Variants in FARS2 observed in about 807,000 individuals in gnomAD.
FARS2 encodes phenylalanine--tRNA ligase, mitochondrial.
In FARS2, 40 loss-of-function variants were observed where a neutral mutation model predicts 46.4. The ratio of observed to expected loss-of-function variants is 0.86; its 90% CI spans 0.67 to 1.12. The LOEUF is 1.12. FARS2 is among the 50% of genes most tolerant of loss of function. The pLI is 0.00. For synonymous variants in FARS2, 234 were observed against 214.9 expected, an observed-to-expected ratio of 1.09 and a Z score of -0.78; for missense variants, 513 against 567.9, an observed-to-expected ratio of 0.90 and a Z score of 0.98.
At chr6:5,259,172 C>A (rs1047309858), upstream of FARS2, among the ~76,000 whole-genome samples, 4 of 152,198 alleles carry the variant, frequency 2.6e-5, no homozygotes, top group Non-Finnish European at 5.9e-5. Context: ...TGTGAACTGC[C>A]TGCTGATTCC....
chr6:5,689,837 T>A (rs1757555213), intron 6 of FARS2, among the ~76,000 whole-genome samples: 1 of 152,134 alleles, frequency 6.6e-6, no homozygotes, highest in African/African-American at 2.4e-5. Context: ...GGAGTCTAAG[T>A]CTCTTTGTAG....
chr6:5,272,273 C>T (rs1457947875), intron 1 of FARS2, among the ~76,000 whole-genome samples: 2 of 152,124 alleles, frequency 1.3e-5, no homozygotes, highest in African/African-American at 4.8e-5. Context: ...CATATTCTTT[C>T]TCTTTTTCAT....
intron 2 of FARS2, among the ~76,000 whole-genome samples, chr6:5,394,710 T>C (rs1760788049): frequency 1.3e-5 from 2 of 152,148 alleles, no homozygotes; most frequent in African/African-American, 4.8e-5. Flanking sequence ...GTAGGGGCTG[T>C]TTGTTTTCTC....
rs9502326 is a variant in FARS2 at position 5,646,108 on chromosome 6, A to G, written c.1217+32788A>G. Reference sequence around the variant, plus strand: ...AATAAGAAGCTAGAACTGACATGACAGAGAGGGAGCAGCAGGGAGATAAGA... The same window carrying G: ...AATAAGAAGCTAGAACTGACATGACGGAGAGGGAGCAGCAGGGAGATAAGA... On this transcript the variant is annotated intron_variant, in intron 6 of 6. Transcript: ENST00000274680. Among the ~76,000 whole-genome samples, 499 of 147,932 alleles carry G rather than the reference A, an allele frequency of 3.4e-3. 5 individuals carry two copies. The highest frequency in any genetic ancestry group is 0.013 in the African/African-American group (488 of 37,494).
chr6:5,307,490 C>T (rs532340349), intron 1 of FARS2, among the ~76,000 whole-genome samples: 45 of 152,308 alleles, frequency 3.0e-4, no homozygotes, highest in South Asian at 1.5e-3. Flanking sequence ...TTTACACACA[C>T]GCGTGCACAC....
At chr6:5,321,741 A>G (rs891467064) in intron 1 of FARS2, among the ~76,000 whole-genome samples, 35 of 152,208 alleles carry the variant, frequency 2.3e-4, no homozygotes, top group African/African-American at 8.4e-4. Context: ...TAAATGTGGG[A>G]ACCTCCAGAT....
chr6:5,403,770 G>C (rs1019281347), intron 2 of FARS2, among the ~76,000 whole-genome samples: 4 of 152,044 alleles, frequency 2.6e-5, no homozygotes, highest in African/African-American at 9.7e-5. Context: ...CATTTGCTCA[G>C]TTATCCCTTT....
intron 6 of FARS2, among the ~76,000 whole-genome samples, chr6:5,657,131 G>C (rs868056235): frequency 1.1e-4 from 17 of 151,974 alleles, no homozygotes; most frequent in Admixed American, 2.6e-4. Context: ...TATATATAAA[G>C]GCCTTGTGAA....
At chr6:5,442,905 G>A (rs1582117873) in intron 4 of FARS2, among the ~76,000 whole-genome samples, 1 of 152,102 alleles carries the variant, frequency 6.6e-6, no homozygotes, top group South Asian at 2.1e-4. Context: ...AAAGGCTTTG[G>A]CAACTTCTCT....
At chr6:5,706,422 A>G (rs1758771368) in intron 6 of FARS2, among the ~76,000 whole-genome samples, 2 of 152,144 alleles carry the variant, frequency 1.3e-5, no homozygotes, top group African/African-American at 4.8e-5. Flanking sequence ...AGTAGTTCTA[A>G]TCTTAAAGTT....
In FARS2 at chr6:5,662,354, T is replaced by C. The variant is rs190811812; in HGVS notation, c.1217+49034T>C. Among the ~76,000 whole-genome samples the C allele has an allele frequency of 7.2e-4, 109 of 152,372 alleles. 1 individual carries two copies. Among genetic ancestry groups the C allele is most frequent in the Middle Eastern group, 3.4e-3 (1 of 294 alleles). ...CTTCCCCATGAATAGCAGAATGTAA[T>C]TTATGAAATCCAACCATCATTCTCA... On this transcript the variant is annotated intron_variant, in intron 6 of 6. Transcript: ENST00000274680.
At chr6:5,646,492 G>A (rs1777081257) in intron 6 of FARS2, among the ~76,000 whole-genome samples, 2 of 152,038 alleles carry the variant, frequency 1.3e-5, no homozygotes, top group South Asian at 4.1e-4. Context: ...TGGATTTCAC[G>A]GCTCCTCTAC....
At chr6:5,404,033 A>C (rs565074667) in intron 2 of FARS2, among the ~76,000 whole-genome samples, 1 of 152,206 alleles carries the variant, frequency 6.6e-6, no homozygotes, top group South Asian at 2.1e-4. Flanking sequence ...AGGCTTAGCT[A>C]CTGTATCACT....
At chr6:5,755,205 C>CT (rs1314440804) in intron 6 of FARS2, among the ~76,000 whole-genome samples, 7 of 152,120 alleles carry the variant, frequency 4.6e-5, no homozygotes, top group East Asian at 3.9e-4. Flanking sequence ...TTATGTAAGT[C>CT]TTTTTTTATT....
intron 1 of FARS2, among the ~76,000 whole-genome samples, chr6:5,357,612 G>A (rs1371806948): frequency 6.6e-6 from 1 of 152,194 alleles, no homozygotes; most frequent in Non-Finnish European, 1.5e-5. Context: ...TCATGTCAAT[G>A]GGAAGATGTG....
chr6:5,386,249 T>C (rs1185137698), intron 2 of FARS2, among the ~76,000 whole-genome samples: 3 of 151,926 alleles, frequency 2.0e-5, no homozygotes, highest in African/African-American at 7.3e-5. Context: ...ATTGAAGGAA[T>C]GAAGATGTAT....
intron 5 of FARS2, among the ~76,000 whole-genome samples, chr6:5,592,702 G>A (rs1773984305): frequency 6.6e-6 from 1 of 152,168 alleles, no homozygotes; most frequent in Admixed American, 6.5e-5. Flanking sequence ...TAGCCAGTAA[G>A]AATGGGGAAG....
chr6:5,369,124 C>A lies in FARS2; in HGVS notation c.554C>A (p.Ser185Tyr). The A allele has an allele frequency of 6.2e-7, 1 of 1,612,834 alleles. No individual in the cohort carries two copies. The highest frequency in any genetic ancestry group is 8.5e-7 in the Non-Finnish European group (1 of 1,180,000). ...GTCTACAGGCGTGACCAGATCGACTCCCAGCACTACCCTATTTTCCACCAG... is the reference window on the plus strand; with the variant it reads ...GTCTACAGGCGTGACCAGATCGACTACCAGCACTACCCTATTTTCCACCAG... ...GDVYRRDQID[S>Y]QHYPIFHQLE... Residue 185 changes from serine to tyrosine, a missense_variant, in exon 2 of 7, where the codon TCC becomes TAC. By Grantham distance (144) the Ser-to-Tyr change is moderately radical. Transcript: ENST00000274680.
chr6:5,315,256 CA>C (rs1769383967), intron 1 of FARS2, among the ~76,000 whole-genome samples: 1 of 152,190 alleles, frequency 6.6e-6, no homozygotes, highest in South Asian at 2.1e-4. Flanking sequence ...GTTTGCCCCA[CA>C]TAATGCTAAA....
Sources: gnomAD v4.1 joint callset for allele counts (sites outside exome capture counted in the v4.1 genomes callset) on GRCh38, gnomAD v4.1.1 for gene constraint, MANE v1.5 for transcripts, NCBI Gene and HGNC (gene_info 2026-07-23, HGNC 2026-07-21) for gene names.